The following NCALD variants were observed in gnomAD, a reference collection of about 807,000 sequenced individuals.
NCALD encodes the protein neurocalcin delta.
A neutral mutation model predicts 18.6 loss-of-function variants in NCALD; 10 were observed. The observed-to-expected ratio is 0.54, with a 90% CI of 0.33 to 0.91. The LOEUF (loss-of-function observed/expected upper bound fraction) is 0.91. Among genes scored for constraint, NCALD ranks in the 40% least tolerant of loss-of-function variants. The pLI is 0.03. For missense variants in NCALD, 184 were observed against 247.6 expected (o/e 0.74, Z 1.72); for synonymous variants, 88 against 87.4 (o/e 1.01, Z -0.04).
At chr8:101,878,445 T>G (rs959986453) in intron 4 of NCALD, among the ~76,000 whole-genome samples, 3 of 152,236 alleles carry the variant, frequency 2.0e-5, no homozygotes, top group Admixed American at 2.0e-4. Flanking sequence ...CCATTTGGGT[T>G]TTAAATATAA....
intron 1 of NCALD, among the ~76,000 whole-genome samples, chr8:102,080,210 G>A (rs908436343): frequency 5.9e-5 from 9 of 152,120 alleles, no homozygotes; most frequent in Non-Finnish European, 1.2e-4. Context: ...TTGCTATTTC[G>A]ACTTCTCACT....
upstream of NCALD, among the ~76,000 whole-genome samples, chr8:101,793,777 C>T (rs1309193587): frequency 1.3e-5 from 2 of 152,186 alleles, no homozygotes; most frequent in Non-Finnish European, 1.5e-5. Context: ...AATAGTTCTG[C>T]ATCTTATTTT....
At position 102,058,853 on chromosome 8, in the gene NCALD, C is replaced by T. The variant is rs79564949; in HGVS notation, c.-209-38564G>A. On this transcript the variant is annotated intron_variant, in intron 1 of 6. Coordinates refer to the NCALD transcript ENST00000311028. ...GTTTTTCAGGGTGGTCCAACCTAAT[C>T]ACATGAGTCCAGAAAACCAAACAAA... Among the ~76,000 whole-genome samples the T allele has an allele frequency of 2.3e-4, 35 of 152,278 alleles. No individual in the cohort carries two copies. The East Asian group carries it at 5.4e-3, about 24-fold the overall frequency.
At chr8:101,792,555 T>C (rs959275653), upstream of NCALD, among the ~76,000 whole-genome samples, 2 of 152,180 alleles carry the variant, frequency 1.3e-5, no homozygotes, top group African/African-American at 4.8e-5. Flanking sequence ...ACAAGGACAA[T>C]GGAATCCAAT....
Position 101,901,502 on chromosome 8 carries a change from A to G in NCALD, c.-106-14275T>C, listed in dbSNP as rs577285751. 5.9e-5 allele frequency among the ~76,000 whole-genome samples: 9 copies of G among 151,910 alleles called. No homozygotes were observed. The East Asian group carries it at 1.7e-3, about 29-fold the overall frequency. On this transcript the variant is annotated intron_variant, in intron 3 of 6. Coordinates refer to the NCALD transcript ENST00000311028. ...AAGAATTCCATTTTTATTTATCTAT[A>G]GTGTTTTTAGGTATATCTCTTTATC...
chr8:102,037,007 C>T (rs914677293), intron 1 of NCALD, among the ~76,000 whole-genome samples: 1 of 152,044 alleles, frequency 6.6e-6, no homozygotes, highest in African/African-American at 2.4e-5. Context: ...CACAAAAAAG[C>T]ATGTGTAAGC....
chr8:102,016,138 C>T (rs1229594086), intron 2 of NCALD, among the ~76,000 whole-genome samples: 2 of 152,158 alleles, frequency 1.3e-5, no homozygotes, highest in Non-Finnish European at 2.9e-5. Context: ...CAAAAGCCTG[C>T]CATCTGCCCT....
Position 101,972,276 on chromosome 8 carries a change from G to A in NCALD, c.-157+47961C>T, listed in dbSNP as rs568660571. ...GCTTTGAATAGAGCCCAAGCTTTGTGGTCAGGCACAGTTGGACTCTGGACG... is the reference window on the plus strand; with the variant it reads ...GCTTTGAATAGAGCCCAAGCTTTGTAGTCAGGCACAGTTGGACTCTGGACG... On this transcript the variant is annotated intron_variant, in intron 2 of 6. Coordinates refer to the NCALD transcript ENST00000311028. Among the ~76,000 whole-genome samples the A allele has an allele frequency of 3.3e-5, 5 of 152,284 alleles. No individual in the cohort carries two copies. In the East Asian group the frequency reaches 7.7e-4, roughly 23 times the overall value.
At chr8:101,914,519 G>C (rs1322307922) in intron 3 of NCALD, among the ~76,000 whole-genome samples, 1 of 152,116 alleles carries the variant, frequency 6.6e-6, no homozygotes, top group Admixed American at 6.5e-5. Context: ...CCCCCAGGGA[G>C]GGTTATGCTT....
intron 4 of NCALD, among the ~76,000 whole-genome samples, chr8:101,883,074 T>C (rs747421009): frequency 2.0e-5 from 3 of 152,196 alleles, no homozygotes; most frequent in Non-Finnish European, 4.4e-5. Flanking sequence ...AAGGTCTTTT[T>C]GTAAGAAGAA....
At chr8:101,717,599 G>A (rs1244064847) in intron 2 of NCALD, among the ~76,000 whole-genome samples, 3 of 152,148 alleles carry the variant, frequency 2.0e-5, no homozygotes, top group Non-Finnish European at 4.4e-5. Flanking sequence ...CTTTCTAAGA[G>A]ATATTTAGAA....
rs1026267971 is a variant in NCALD, at chr8:101,943,953, CA to C, written c.-156-28096del. ...GAGTCTGTGTCTCAAAAAAACAAAA[CA>C]AAAAACAAAAAACAAACAAACAAAC... On this transcript the variant is annotated intron_variant, in intron 2 of 6. Coordinates refer to the NCALD transcript ENST00000311028. 2.5e-3 allele frequency among the ~76,000 whole-genome samples: 339 copies of C among 138,006 alleles called. 1 individual carries two copies. Among genetic ancestry groups the C allele is most frequent in the African/African-American group, 8.3e-3 (313 of 37,740 alleles). 90.5% of individuals were successfully genotyped at this position (138,006 alleles called of 152,430 possible).
In NCALD at chr8:101,687,786, C is replaced by G. The variant is rs1456922456; in HGVS notation, c.*1523G>C. Reference sequence around the variant, plus strand: ...TTGCAAGAGTATGACTCGCCTGTAACCAGCAAATTTTTACTCTTAGCTTTC... The same window carrying G: ...TTGCAAGAGTATGACTCGCCTGTAAGCAGCAAATTTTTACTCTTAGCTTTC... On this transcript the variant is annotated 3_prime_UTR_variant, in exon 4 of 4. Transcript: ENST00000220931. The G allele has an allele frequency of 6.6e-6, 1 of 152,246 alleles. No individual in the cohort carries two copies. The highest frequency in any genetic ancestry group is 2.4e-5 in the African/African-American group (1 of 41,458). 9.4% of individuals were successfully genotyped at this position (152,246 alleles called of 1,614,324 possible).
At chr8:102,108,990 G>A (rs573229404) in intron 1 of NCALD, among the ~76,000 whole-genome samples, 13 of 152,278 alleles carry the variant, frequency 8.5e-5, no homozygotes, top group South Asian at 2.1e-4. Context: ...AAATGAGATC[G>A]TATCTGTGGC....
chr8:101,704,464 G>A (rs1354979995), intron 2 of NCALD, among the ~76,000 whole-genome samples: 1 of 152,178 alleles, frequency 6.6e-6, no homozygotes, highest in Non-Finnish European at 1.5e-5. Context: ...AAAGGCTGTG[G>A]GATGTGAGAG....
At chr8:102,110,820 T>A (rs534806887) in intron 1 of NCALD, among the ~76,000 whole-genome samples, 9 of 152,314 alleles carry the variant, frequency 5.9e-5, no homozygotes, top group Middle Eastern at 3.4e-3. Flanking sequence ...AAAAAATGTA[T>A]AATAAAATGT....
At chr8:101,992,018 T>G (rs568510367) in intron 2 of NCALD, among the ~76,000 whole-genome samples, 1 of 152,334 alleles carries the variant, frequency 6.6e-6, no homozygotes, top group Non-Finnish European at 1.5e-5. Flanking sequence ...AGCTAAAGTA[T>G]CTGGCTTCAT....
At chr8:102,097,982 G>A (rs1412767582) in intron 1 of NCALD, among the ~76,000 whole-genome samples, 1 of 152,208 alleles carries the variant, frequency 6.6e-6, no homozygotes, top group East Asian at 1.9e-4. Flanking sequence ...TTCACACAAT[G>A]TGCAAGGCAC....
chr8:101,820,545 C>G (rs1010460133), intron 4 of NCALD, among the ~76,000 whole-genome samples: 1 of 152,098 alleles, frequency 6.6e-6, no homozygotes, highest in Admixed American at 6.6e-5. Context: ...TAAACTTGGA[C>G]TAGGGTTTTA....
Sources: allele counts gnomAD v4.1 joint callset (sites outside exome capture counted in the v4.1 genomes callset), GRCh38; gene constraint gnomAD v4.1.1; transcripts MANE v1.5; gene names NCBI Gene and HGNC (gene_info 2026-07-23, HGNC 2026-07-21).